SLC17A3: variants seen among roughly 807,000 people sequenced by gnomAD.
SLC17A3 encodes solute carrier family 17 member 3, also known as sodium-dependent phosphate transport protein 4.
In SLC17A3, 61 loss-of-function variants were observed where a neutral mutation model predicts 60.3. That is an observed-to-expected ratio of 1.01 (90% CI 0.82 to 1.25). SLC17A3 has a LOEUF of 1.25. Among genes scored for constraint, SLC17A3 ranks in the 50% most tolerant of loss-of-function variants. The probability of loss-of-function intolerance (pLI) is 0.00; values close to 1 mark genes in which losing one functional copy is unlikely to be tolerated. For synonymous variants in SLC17A3, 192 were observed against 208.9 expected (o/e 0.92, Z 0.70); for missense variants, 624 against 594.9 (o/e 1.05, Z -0.51).
At chr6:25,850,926 G>T in intron 6 of SLC17A3, 49 bp from the exon 7 acceptor site, 1 of 1,334,142 alleles carries the variant, frequency 7.5e-7, no homozygotes, top group Non-Finnish European at 1.1e-6. Flanking sequence ...CTGCTTTTTG[G>T]GTGAACTTCT....
chr6:25,846,592 G>A (rs928213013), intron 11 of SLC17A3, among the ~76,000 whole-genome samples: 1 of 152,144 alleles, frequency 6.6e-6, no homozygotes, highest in Non-Finnish European at 1.5e-5. Flanking sequence ...AACCATCTGG[G>A]TGATGGAAAT....
intron 5 of SLC17A3, among the ~76,000 whole-genome samples, chr6:25,860,830 C>T (rs1446629032): frequency 6.6e-6 from 1 of 152,100 alleles, no homozygotes; most frequent in Non-Finnish European, 1.5e-5. Context: ...TTTTCTTGTG[C>T]TGTATTCTGA....
intron 1 of SLC17A3, among the ~76,000 whole-genome samples, chr6:25,873,364 G>A (rs1162488214): frequency 6.6e-6 from 1 of 152,102 alleles, no homozygotes; most frequent in Non-Finnish European, 1.5e-5. Flanking sequence ...CTGGTCCAAA[G>A]CAGTGTTCAT....
intron 11 of SLC17A3, among the ~76,000 whole-genome samples, chr6:25,848,100 T>C (rs1234946626): frequency 6.6e-6 from 1 of 152,256 alleles, no homozygotes; most frequent in African/African-American, 2.4e-5. Context: ...GGCTGAGTGG[T>C]ATTCCATCAT....
intron 6 of SLC17A3, among the ~76,000 whole-genome samples, chr6:25,853,975 G>A (rs902505357): frequency 6.6e-6 from 1 of 152,054 alleles, no homozygotes. Flanking sequence ...CTCATTGGAA[G>A]TATGTTGCTA....
chr6:25,862,561 G>A, intron 2 of SLC17A3, 117 bp from the exon 3 acceptor site: 1 of 861,826 alleles, frequency 1.2e-6, no homozygotes, highest in South Asian at 1.4e-5. Context: ...TTACTTAAAT[G>A]ACACTTCTGT....
chr6:25,850,458 C>T lies in SLC17A3; in HGVS notation c.993+1G>A, dbSNP rs773136308. On this transcript the variant is annotated splice_donor_variant, in intron 8 of 12. Transcript: ENST00000397060. LOFTEE classifies it high-confidence loss of function. Reference sequence around the variant, plus strand: ...AAAGGAAGGGAAGGAAACATACTCACGTCTCTGATGTTAACATGGTACACA... The same window carrying T: ...AAAGGAAGGGAAGGAAACATACTCATGTCTCTGATGTTAACATGGTACACA... The T allele has an allele frequency of 1.3e-5, 21 of 1,613,574 alleles. No homozygotes were observed. The Admixed American group carries it at 2.5e-4, about 19-fold the overall frequency.
At position 25,849,316 on chromosome 6, in the gene SLC17A3, C is replaced by T. The variant is rs955447354; in HGVS notation, c.1362+58G>A. 5.5e-5 allele frequency: 54 copies of T among 990,242 alleles called. No homozygotes were observed. In the Admixed American group the frequency reaches 9.1e-4, roughly 17 times the overall value. 61.3% of individuals were successfully genotyped at this position (990,242 alleles called of 1,614,324 possible). On this transcript the variant is annotated intron_variant, in intron 11 of 12. Coordinates refer to ENST00000397060, the MANE Select transcript of SLC17A3 (RefSeq NM_001098486.2). ...TCAGTCTTTGAATACATGCTATCAC[C>T]TTTATAAGTGGATTTAGCAGAGCAT...
intron 1 of SLC17A3, among the ~76,000 whole-genome samples, chr6:25,872,003 C>A (rs1765650279): frequency 6.6e-6 from 1 of 151,938 alleles, no homozygotes; most frequent in South Asian, 2.1e-4. Flanking sequence ...GTACTGGAAC[C>A]AACTCACTTG....
chr6:25,862,249 T>C lies in SLC17A3; in HGVS notation c.287A>G (p.Lys96Arg). Reference sequence around the variant, plus strand: ...GTTGCTTACCTTTGCAGGAAGACTCTTTGGGGCTTTACTTAGGCCACCAAA... The same window carrying C: ...GTTGCTTACCTTTGCAGGAAGACTCCTTGGGGCTTTACTTAGGCCACCAAA... ...DSFGGLSKAPKSLPAKAPVYD... is the reference protein window; with the variant it reads ...DSFGGLSKAPRSLPAKAPVYD... The change falls in exon 3 of 13, where the codon AAG becomes AGG. Residue 96 changes from lysine (K) to arginine (R), a missense_variant. Lys to Arg is a conservative substitution (Grantham distance 26). Transcript: ENST00000397060. 1 of 1,613,398 alleles carries C rather than the reference T, an allele frequency of 6.2e-7. No homozygotes were observed. The highest frequency in any genetic ancestry group is 1.3e-5 in the African/African-American group (1 of 75,006).
intron 5 of SLC17A3, among the ~76,000 whole-genome samples, chr6:25,857,831 G>C (rs1228755899): frequency 1.3e-5 from 2 of 152,092 alleles, no homozygotes; most frequent in African/African-American, 4.8e-5. Flanking sequence ...TGACTATAAT[G>C]GGGGACAGGT....
chr6:25,850,353 A>C (rs1765252715), intron 8 of SLC17A3, 106 bp downstream of exon 8: 1 of 1,382,932 alleles, frequency 7.2e-7, no homozygotes, highest in Non-Finnish European at 1.0e-6. Flanking sequence ...ATATTAGATT[A>C]TTTTTGGTAA....
intron 6 of SLC17A3, among the ~76,000 whole-genome samples, chr6:25,853,026 GC>G (rs1461311627): frequency 2.0e-5 from 3 of 152,160 alleles, no homozygotes; most frequent in African/African-American, 7.2e-5. Flanking sequence ...GAGATCCACA[GC>G]AGTACTCCCT....
chr6:25,869,260 C>T (rs1405671432), intron 1 of SLC17A3, among the ~76,000 whole-genome samples: 1 of 151,754 alleles, frequency 6.6e-6, no homozygotes, highest in South Asian at 2.1e-4. Context: ...AATATTTGTG[C>T]TATGTTTAGT....
At chr6:25,846,414 C>A (rs1765175577) in intron 11 of SLC17A3, among the ~76,000 whole-genome samples, 1 of 152,168 alleles carries the variant, frequency 6.6e-6, no homozygotes, top group Non-Finnish European at 1.5e-5. Context: ...GCTATTATAA[C>A]TTCCAATGGA....
At chr6:25,855,359 A>G (rs1012380891) in intron 5 of SLC17A3, 129 bp from the exon 6 acceptor site, 9 of 674,272 alleles carry the variant, frequency 1.3e-5, no homozygotes, top group Admixed American at 2.5e-5. Context: ...TAGAATGCAC[A>G]AACTTCAAAT....
intron 5 of SLC17A3, among the ~76,000 whole-genome samples, chr6:25,856,565 T>C (rs1211277047): frequency 1.3e-5 from 2 of 152,186 alleles, no homozygotes; most frequent in African/African-American, 4.8e-5. Flanking sequence ...GTTGCCTTTC[T>C]GGCCGGGCGC....
intron 6 of SLC17A3, among the ~76,000 whole-genome samples, chr6:25,854,505 A>G (rs527351543): frequency 2.0e-5 from 3 of 152,138 alleles, no homozygotes; most frequent in African/African-American, 7.2e-5. Flanking sequence ...ACAGGACTCT[A>G]TCTCTGCCCT....
chr6:25,850,599 G>T lies in SLC17A3; in HGVS notation c.853C>A (p.Leu285Ile), dbSNP rs1348669947. ...KQQVGSSKQPLPIKAMLRSLP... is the reference protein window; with the variant it reads ...KQQVGSSKQPIPIKAMLRSLP... ...GATCTGAGCATAGCTTTGATGGGAA[G>T]AGGCTGCTTAGAAGACCCGACCTGA... Residue 285 changes from leucine to isoleucine, a missense_variant, in exon 8 of 13, where the codon CTT becomes ATT. Coordinates refer to ENST00000397060, the MANE Select transcript of SLC17A3 (RefSeq NM_001098486.2). 12 of 1,614,018 alleles carry T rather than the reference G, an allele frequency of 7.4e-6. No individual in the cohort carries two copies. Among genetic ancestry groups the T allele is most frequent in the Non-Finnish European group, 1.0e-5 (12 of 1,179,920 alleles).
Sources: allele counts gnomAD v4.1 joint callset (sites outside exome capture counted in the v4.1 genomes callset), GRCh38; gene constraint gnomAD v4.1.1; transcripts MANE v1.5; gene names NCBI Gene and HGNC (gene_info 2026-07-23, HGNC 2026-07-21).